UTRN: variants seen among roughly 807,000 people sequenced by gnomAD.
The protein encoded by UTRN is utrophin, also known as dystrophin-related protein 1.
In UTRN, 283 loss-of-function variants were observed where a neutral mutation model predicts 463.9. The observed-to-expected ratio is 0.61, with a 90% CI of 0.55 to 0.67. The LOEUF is 0.67. Among genes scored for constraint, UTRN ranks in the 30% least tolerant of loss-of-function variants. The pLI is 0.00. For synonymous variants in UTRN, 1,442 were observed against 1,431.5 expected, an observed-to-expected ratio of 1.01 and a Z score of -0.17; for missense variants, 3,922 against 4,084.3, an observed-to-expected ratio of 0.96 and a Z score of 1.08.
intron 43 of UTRN, among the ~76,000 whole-genome samples, chr6:144,534,539 G>A (rs1244391926): frequency 6.6e-6 from 1 of 152,214 alleles, no homozygotes; most frequent in East Asian, 1.9e-4. Flanking sequence ...TGGAAAATGT[G>A]CATGCCTTGA....
At chr6:144,539,207 A>G (rs1419552442) in intron 44 of UTRN, 87 bp from the exon 45 acceptor site, 9 of 1,357,802 alleles carry the variant, frequency 6.6e-6, no homozygotes, top group Non-Finnish European at 8.9e-6. Context: ...TACATTTGTA[A>G]TAATACCAAA....
chr6:144,671,642 C>A (rs890516780), intron 51 of UTRN, among the ~76,000 whole-genome samples: 8 of 151,970 alleles, frequency 5.3e-5, no homozygotes, highest in Admixed American at 1.3e-4. Context: ...ATTTGGATGT[C>A]CTTTATTTCT....
Position 144,554,682 on chromosome 6 carries a change from C to A in UTRN, c.6929-6C>A. Reference sequence around the variant, plus strand: ...ATTTTTTTTTCTTTTATAATGCTACCCTCAGTGGAAAGGGTCAAGAACCAG... The same window carrying A: ...ATTTTTTTTTCTTTTATAATGCTACACTCAGTGGAAAGGGTCAAGAACCAG... On this transcript the variant is annotated splice_region_variant and splice_polypyrimidine_tract_variant and intron_variant, in intron 48 of 74. Transcript: ENST00000367545. 6.2e-7 allele frequency: 1 copy of A among 1,613,414 alleles called. No individual in the cohort carries two copies. Among genetic ancestry groups the A allele is most frequent in the Non-Finnish European group, 8.5e-7 (1 of 1,179,832 alleles).
chr6:144,482,125 T>A (rs1791948468), intron 26 of UTRN, 84 bp from the exon 27 acceptor site: 1 of 1,282,746 alleles, frequency 7.8e-7, no homozygotes, highest in Admixed American at 3.2e-5. Context: ...TTTGGTTTAA[T>A]TCTTGAAAAA....
At chr6:144,346,209 C>T (rs1225025134) in intron 2 of UTRN, among the ~76,000 whole-genome samples, 1 of 151,646 alleles carries the variant, frequency 6.6e-6, no homozygotes, top group Non-Finnish European at 1.5e-5. Context: ...AAAAAGCAGG[C>T]TTTTAAATGA....
At position 144,516,361 on chromosome 6, in the gene UTRN, T is replaced by G; in HGVS notation, c.5377T>G (p.Leu1793Val). The G allele has an allele frequency of 6.2e-7, 1 of 1,613,504 alleles. No individual in the cohort carries two copies. The highest frequency in any genetic ancestry group is 8.5e-7 in the Non-Finnish European group (1 of 1,179,824). ...TATGTTAAAATTTGTGGAAAAACACTTGGAATCCAGTGATGAAGATGAAAA... is the reference window on the plus strand; with the variant it reads ...TATGTTAAAATTTGTGGAAAAACACGTGGAATCCAGTGATGAAGATGAAAA... ...ENMLKFVEKH[L>V]ESSDEDEKMD... Residue 1793 changes from leucine to valine, a missense_variant, in exon 38 of 75, where the codon TTG (leucine) becomes GTG (valine). Transcript: ENST00000367545.
chr6:144,360,649 A>G (rs1779001935), intron 2 of UTRN, among the ~76,000 whole-genome samples: 1 of 152,172 alleles, frequency 6.6e-6, no homozygotes, highest in South Asian at 2.1e-4. Context: ...GCTGGCAGGA[A>G]GTGTCAGCGC....
chr6:144,717,429 T>C (rs1786586150), intron 53 of UTRN, among the ~76,000 whole-genome samples: 2 of 152,180 alleles, frequency 1.3e-5, no homozygotes, highest in African/African-American at 4.8e-5. Flanking sequence ...AGCTGACCAT[T>C]TATACCTCCT....
At chr6:144,351,098 A>G (rs1047103427) in intron 2 of UTRN, among the ~76,000 whole-genome samples, 1 of 152,178 alleles carries the variant, frequency 6.6e-6, no homozygotes, top group Non-Finnish European at 1.5e-5. Context: ...TAGCAGAAAG[A>G]TGCTGTGGAG....
At chr6:144,818,858 A>C (rs1420975786) in intron 65 of UTRN, among the ~76,000 whole-genome samples, 1 of 151,632 alleles carries the variant, frequency 6.6e-6, no homozygotes, top group East Asian at 1.9e-4. Flanking sequence ...GCTTCTCTAA[A>C]AGTTTCCTTA....
chr6:144,379,805 T>G (rs1050828690), intron 2 of UTRN, among the ~76,000 whole-genome samples: 1 of 152,242 alleles, frequency 6.6e-6, no homozygotes, highest in African/African-American at 2.4e-5. Flanking sequence ...TTAGGAGTTT[T>G]GCACATAGAT....
intron 2 of UTRN, among the ~76,000 whole-genome samples, chr6:144,363,700 G>T (rs1383770413): frequency 6.6e-6 from 1 of 152,172 alleles, no homozygotes. Flanking sequence ...AGTACCATAT[G>T]AATTCAAAAG....
chr6:144,294,373 T>C (rs997480449), intron 2 of UTRN, among the ~76,000 whole-genome samples: 2 of 152,216 alleles, frequency 1.3e-5, no homozygotes, highest in African/African-American at 4.8e-5. Flanking sequence ...AGGCAAATGC[T>C]TACTATACAG....
At chr6:144,469,702 C>A (rs1355322271) in intron 23 of UTRN, among the ~76,000 whole-genome samples, 1 of 125,378 alleles carries the variant, frequency 8.0e-6, no homozygotes, top group East Asian at 2.0e-4. Flanking sequence ...CTGTTTCTTT[C>A]CTTTTTTTTT....
rs1367618984 is a variant in UTRN at position 144,803,045 on chromosome 6, C to T, written c.9255C>T (p.Ser3085=). The T allele has an allele frequency of 2.5e-6, 4 of 1,574,022 alleles. No individual in the cohort carries two copies. The highest frequency in any genetic ancestry group is 2.6e-6 in the Non-Finnish European group (3 of 1,162,622). ...CTTTTGTTTTCTCTAGGTATAGAAG[C>T]CTTAAGCATTTTAACTATGATGTCT... ...ECPIVGFRYR[S]LKHFNYDVCQ... is the part of the protein sequence containing the mutation. Residue 3085 remains serine, a synonymous_variant, in exon 65 of 75, where the codon AGC becomes AGT. Coordinates refer to ENST00000367545, the MANE Select transcript of UTRN (RefSeq NM_007124.3).
chr6:144,821,116 G>A (rs1779561800), intron 66 of UTRN, 98 bp downstream of exon 66: 4 of 1,353,682 alleles, frequency 3.0e-6, no homozygotes, highest in Non-Finnish European at 3.9e-6. Context: ...AATACCAACT[G>A]CATTTTAGAG....
chr6:144,521,957 T>TATA, intron 39 of UTRN, 23 bp from the exon 40 acceptor site: 1 of 1,253,706 alleles, frequency 8.0e-7, no homozygotes, highest in East Asian at 3.0e-5. Flanking sequence ...ATATATATAT[T>TATA]TTTTTTTTTG....
chr6:144,778,766 T>G (rs1160195250), intron 60 of UTRN, among the ~76,000 whole-genome samples: 1 of 152,140 alleles, frequency 6.6e-6, no homozygotes, highest in Non-Finnish European at 1.5e-5. Flanking sequence ...CCATCCCCTG[T>G]GCCTTGTATG....
chr6:144,352,497 T>G (rs1778195132), intron 2 of UTRN, among the ~76,000 whole-genome samples: 1 of 152,206 alleles, frequency 6.6e-6, no homozygotes, highest in South Asian at 2.1e-4. Flanking sequence ...TAGTTCTCAT[T>G]TCCCTTTTCA....
Sources: allele counts gnomAD v4.1 joint callset (sites outside exome capture counted in the v4.1 genomes callset), GRCh38; gene constraint gnomAD v4.1.1; transcripts MANE v1.5; gene names NCBI Gene and HGNC (gene_info 2026-07-23, HGNC 2026-07-21).